The following CABLES1 variants were observed in gnomAD, a reference collection of about 807,000 sequenced individuals.
CABLES1 encodes Cdk5 and Abl enzyme substrate 1, also known as CDK5 and ABL1 enzyme substrate 1.
In CABLES1, 36 loss-of-function variants were observed where a neutral mutation model predicts 57.8. That is an observed-to-expected ratio of 0.62 (90% CI 0.48 to 0.82). The LOEUF (loss-of-function observed/expected upper bound fraction) is 0.82, where lower values mean the gene tolerates loss of function less well. Among genes scored for constraint, CABLES1 ranks in the 40% least tolerant of loss-of-function variants. The pLI is 0.00. For missense variants in CABLES1, 767 were observed against 836.6 expected, an observed-to-expected ratio of 0.92 and a Z score of 1.03; for synonymous variants, 374 against 363.0, an observed-to-expected ratio of 1.03 and a Z score of -0.35.
At chr18:23,249,507 C>T (rs760129049) in intron 7 of CABLES1, among the ~76,000 whole-genome samples, 5 of 152,228 alleles carry the variant, frequency 3.3e-5, no homozygotes, top group Non-Finnish European at 5.9e-5. Context: ...GCCCCACCCT[C>T]AGAGACTGTG....
rs750585031 is a variant in CABLES1, at chr18:23,234,718, G to A, written c.1185+14G>A. On this transcript the variant is annotated intron_variant, in intron 5 of 9. Transcript: ENST00000256925. ...GCTGATGGGAAGGTAAGGCTGCCAG[G>A]CTGCCAGTCACCAAGTTGTGCTGAA... 5 of 1,604,458 alleles carry A rather than the reference G, an allele frequency of 3.1e-6. No homozygotes were observed. The highest frequency in any genetic ancestry group is 4.3e-6 in the Non-Finnish European group (5 of 1,172,520).
chr18:23,202,703 C>T (rs1391771153), intron 3 of CABLES1, among the ~76,000 whole-genome samples: 6 of 152,174 alleles, frequency 3.9e-5, no homozygotes, highest in Non-Finnish European at 7.3e-5. Flanking sequence ...TGGAGACACT[C>T]GGCCAGGGCG....
At chr18:23,248,537 T>TA (rs1374660432) in intron 7 of CABLES1, among the ~76,000 whole-genome samples, 69 of 96,662 alleles carry the variant, frequency 7.1e-4, no homozygotes, top group African/African-American at 1.8e-3. Context: ...TTTTTTTTTT[T>TA]TAAAAAAAGG....
intron 2 of CABLES1, among the ~76,000 whole-genome samples, chr18:23,193,368 T>C (rs540088107): frequency 5.9e-5 from 9 of 152,264 alleles, no homozygotes; most frequent in African/African-American, 1.9e-4. Flanking sequence ...ATTTTTGTAT[T>C]TTTAGTAGAG....
intron 1 of CABLES1, among the ~76,000 whole-genome samples, chr18:23,186,820 C>T (rs1254475622): frequency 1.3e-5 from 2 of 152,210 alleles, no homozygotes; most frequent in Non-Finnish European, 2.9e-5. Context: ...TGTAGAATTA[C>T]ACCACCCTGG....
At chr18:23,243,786 C>T (rs566195649) in intron 7 of CABLES1, among the ~76,000 whole-genome samples, 1 of 150,918 alleles carries the variant, frequency 6.6e-6, no homozygotes, top group African/African-American at 2.4e-5. Context: ...GCAGGAGAAT[C>T]GCTTGAACCC....
At chr18:23,164,186 C>G (rs962186814) in intron 1 of CABLES1, among the ~76,000 whole-genome samples, 5 of 152,218 alleles carry the variant, frequency 3.3e-5, no homozygotes, top group African/African-American at 7.2e-5. Context: ...TCTAAAGGCT[C>G]TTTTATTATG....
intron 1 of CABLES1, among the ~76,000 whole-genome samples, chr18:23,173,063 T>G (rs747410288): frequency 5.3e-5 from 8 of 152,090 alleles, no homozygotes; most frequent in Non-Finnish European, 8.8e-5. Context: ...AACGGCACCT[T>G]GATGTGTGCA....
intron 4 of CABLES1, among the ~76,000 whole-genome samples, chr18:23,222,548 A>C (rs908592588): frequency 6.8e-6 from 1 of 146,484 alleles, no homozygotes. Context: ...CTCTCTATAT[A>C]TATCTATATA....
At chr18:23,167,387 C>A (rs2047050250) in intron 1 of CABLES1, among the ~76,000 whole-genome samples, 1 of 152,140 alleles carries the variant, frequency 6.6e-6, no homozygotes, top group Non-Finnish European at 1.5e-5. Context: ...TTTGGAAATT[C>A]AAGGTCTGTT....
chr18:23,174,672 C>T (rs532477828), intron 1 of CABLES1, among the ~76,000 whole-genome samples: 1 of 151,652 alleles, frequency 6.6e-6, no homozygotes, highest in East Asian at 1.9e-4. Flanking sequence ...CAGGATTTCA[C>T]CATGTTAGCC....
At chr18:23,188,413 A>C (rs9967151) in intron 1 of CABLES1, among the ~76,000 whole-genome samples, 1,600 of 152,292 alleles carry the variant, frequency 0.011, 28 homozygotes, top group African/African-American at 0.037. Context: ...ATAGGGTTTC[A>C]GATTTAATAT....
intron 1 of CABLES1, 102 bp from the exon 2 acceptor site, chr18:23,188,736 G>T: frequency 3.6e-6 from 3 of 827,616 alleles, no homozygotes; most frequent in Non-Finnish European, 6.2e-6. Flanking sequence ...TTTTCTTAAC[G>T]GACTTCATGT....
At position 23,230,960 on chromosome 18, in the gene CABLES1, T is replaced by C. The variant is rs563882131; in HGVS notation, c.1089-3648T>C. Reference sequence around the variant, plus strand: ...GTGAATTACGAATCTTTATCATGGCTGGGAGCCCTGTTCTTGGGGTGCTGA... The same window carrying C: ...GTGAATTACGAATCTTTATCATGGCCGGGAGCCCTGTTCTTGGGGTGCTGA... On this transcript the variant is annotated intron_variant, in intron 4 of 9. Coordinates refer to ENST00000256925, the MANE Select transcript of CABLES1 (RefSeq NM_001100619.3). 2.0e-5 allele frequency among the ~76,000 whole-genome samples: 3 copies of C among 152,348 alleles called. No individual in the cohort carries two copies. The East Asian group carries it at 5.8e-4, about 29-fold the overall frequency.
At chr18:23,256,994 A>C (rs75898827) in intron 9 of CABLES1, among the ~76,000 whole-genome samples, 2 of 152,192 alleles carry the variant, frequency 1.3e-5, no homozygotes, top group East Asian at 3.8e-4. Flanking sequence ...AAATGATGTC[A>C]TAAGATGTAT....
At chr18:23,240,140 G>A (rs1337010382) in intron 7 of CABLES1, among the ~76,000 whole-genome samples, 4 of 151,998 alleles carry the variant, frequency 2.6e-5, no homozygotes, top group Non-Finnish European at 5.9e-5. Context: ...CAAAAACAGC[G>A]GCAGGAAATG....
chr18:23,187,514 G>A (rs536096656), intron 1 of CABLES1, among the ~76,000 whole-genome samples: 82 of 152,284 alleles, frequency 5.4e-4, no homozygotes, highest in Non-Finnish European at 1.0e-3. Context: ...AGCCTCCCAA[G>A]TAGCTGGGAC....
At chr18:23,188,771 T>A in intron 1 of CABLES1, 67 bp from the exon 2 acceptor site, 1 of 1,138,102 alleles carries the variant, frequency 8.8e-7, no homozygotes, top group Non-Finnish European at 1.3e-6. Flanking sequence ...AGTTTTAGAT[T>A]TGCACAAATG....
At chr18:23,256,233 C>G (rs887406414) in intron 9 of CABLES1, among the ~76,000 whole-genome samples, 1 of 152,258 alleles carries the variant, frequency 6.6e-6, no homozygotes, top group African/African-American at 2.4e-5. Flanking sequence ...GAGGCCCTCC[C>G]TGTCCATCCC....
Sources: gnomAD v4.1 joint callset for allele counts (sites outside exome capture counted in the v4.1 genomes callset) on GRCh38, gnomAD v4.1.1 for gene constraint, MANE v1.5 for transcripts, NCBI Gene and HGNC (gene_info 2026-07-23, HGNC 2026-07-21) for gene names.